The following COL19A1 variants were observed in gnomAD, a reference collection of about 807,000 sequenced individuals.
COL19A1 encodes the protein collagen alpha-1(XIX) chain.
A neutral mutation model predicts 190.2 loss-of-function variants in COL19A1; 159 were observed. That is an observed-to-expected ratio of 0.84 (90% confidence interval 0.73 to 0.95). The LOEUF is 0.95. Among genes scored for constraint, COL19A1 ranks in the 40% least tolerant of loss-of-function variants. COL19A1 has a pLI of 0.00. For synonymous variants in COL19A1, 509 were observed against 458.9 expected (o/e 1.11, Z -1.39); for missense variants, 1,418 against 1,431.9 (o/e 0.99, Z 0.16).
At chr6:69,996,464 T>G (rs1776910283) in intron 11 of COL19A1, among the ~76,000 whole-genome samples, 1 of 152,178 alleles carries the variant, frequency 6.6e-6, no homozygotes, top group Non-Finnish European at 1.5e-5. Flanking sequence ...TAAATTAGTA[T>G]CTAGTGTTAA....
At chr6:70,130,701 C>T (rs1203706301) in intron 18 of COL19A1, among the ~76,000 whole-genome samples, 1 of 152,240 alleles carries the variant, frequency 6.6e-6, no homozygotes, top group African/African-American at 2.4e-5. Flanking sequence ...TTCGAATCTG[C>T]TTCAGGGTCC....
At chr6:69,878,373 C>G (rs1383661225) in intron 1 of COL19A1, among the ~76,000 whole-genome samples, 1 of 151,926 alleles carries the variant, frequency 6.6e-6, no homozygotes, top group Non-Finnish European at 1.5e-5. Context: ...GCCACCGTGC[C>G]TGACTAATTT....
At chr6:69,971,536 G>A (rs769037122) in intron 11 of COL19A1, among the ~76,000 whole-genome samples, 8 of 152,122 alleles carry the variant, frequency 5.3e-5, no homozygotes, top group Non-Finnish European at 1.0e-4. Flanking sequence ...AAAATCCAAA[G>A]CCATCATAAG....
chr6:70,036,218 C>T (rs939634699), intron 14 of COL19A1, among the ~76,000 whole-genome samples: 1 of 152,132 alleles, frequency 6.6e-6, no homozygotes, highest in Admixed American at 6.6e-5. Flanking sequence ...AATTTTGTCT[C>T]CTAAATGTTT....
chr6:70,158,789 T>G (rs1787597485), intron 34 of COL19A1, among the ~76,000 whole-genome samples: 1 of 152,114 alleles, frequency 6.6e-6, no homozygotes, highest in East Asian at 1.9e-4. Context: ...GGTAAGAACA[T>G]AGCTCCAATG....
rs779111780 is a variant in COL19A1 at position 69,936,837 on chromosome 6, A to T, written c.800A>T (p.His267Leu). The T allele has an allele frequency of 6.2e-7, 1 of 1,613,206 alleles. No individual in the cohort carries two copies. Among genetic ancestry groups the T allele is most frequent in the Admixed American group, 1.7e-5 (1 of 59,958 alleles). The change falls in exon 8 of 51, where the codon CAT becomes CTT. Residue 267 changes from histidine to leucine, a missense_variant. By Grantham distance (99) the His-to-Leu change is moderately conservative. Coordinates refer to ENST00000620364, the MANE Select transcript of COL19A1 (RefSeq NM_001858.6). ...GNIASSWVTA[H>L]ASKMSSYLPA... Reference sequence around the variant, plus strand: ...ATTGCATCATCATGGGTAACTGCTCATGCCAGTAAAATGTCTTCATATCTG... The same window carrying T: ...ATTGCATCATCATGGGTAACTGCTCTTGCCAGTAAAATGTCTTCATATCTG...
intron 2 of COL19A1, among the ~76,000 whole-genome samples, chr6:69,885,651 GATAA>G (rs1768871870): frequency 6.6e-6 from 1 of 152,072 alleles, no homozygotes; most frequent in Admixed American, 6.5e-5. Flanking sequence ...TCACACCAGT[GATAA>G]ATATTCTTTT....
intron 15 of COL19A1, among the ~76,000 whole-genome samples, chr6:70,082,625 G>A (rs768441928): frequency 2.6e-5 from 4 of 152,092 alleles, no homozygotes; most frequent in East Asian, 1.9e-4. Context: ...TGGCCTGGCC[G>A]GTCTCGAACT....
intron 5 of COL19A1, 71 bp from the exon 6 acceptor site, chr6:69,929,354 T>A (rs1772601493): frequency 1.4e-6 from 2 of 1,469,874 alleles, no homozygotes; most frequent in Non-Finnish European, 1.8e-6. Context: ...ATCTTGAGCT[T>A]TTCTTTGTGT....
chr6:70,058,986 A>G (rs996155553), intron 14 of COL19A1, among the ~76,000 whole-genome samples: 3 of 152,094 alleles, frequency 2.0e-5, no homozygotes, highest in African/African-American at 7.2e-5. Flanking sequence ...GATGTCCCCA[A>G]CTTAAAACTT....
At chr6:70,099,066 A>T (rs1477740296) in intron 15 of COL19A1, among the ~76,000 whole-genome samples, 1 of 151,002 alleles carries the variant, frequency 6.6e-6, no homozygotes, top group African/African-American at 2.4e-5. Context: ...TAAAAAAAAA[A>T]AAAAAAAAAA....
In COL19A1 at chr6:69,907,223, G is replaced by A. The variant is rs367591275; in HGVS notation, c.266+6885G>A. Among the ~76,000 whole-genome samples, 4 of 149,978 alleles carry A rather than the reference G, an allele frequency of 2.7e-5. No individual in the cohort carries two copies. In the East Asian group the frequency reaches 5.9e-4, roughly 22 times the overall value. On this transcript the variant is annotated intron_variant, in intron 4 of 50. Transcript: ENST00000620364. ...CGGCTCACTGCAACCTCCACCTCCC[G>A]GTTTCAAACGATTCTCCTGCCTCAG...
In COL19A1 at chr6:70,043,588, G is replaced by A. The variant is rs181031497; in HGVS notation, c.1170+7649G>A. Among the ~76,000 whole-genome samples, 108 of 152,318 alleles carry A rather than the reference G, an allele frequency of 7.1e-4. No individual in the cohort carries two copies. The South Asian group carries it at 9.3e-3, about 13-fold the overall frequency. ...ATATTGTGTTAGCAGGCATGAAAAC[G>A]ACATTCGTCTCCTTGTACATCACCA... On this transcript the variant is annotated intron_variant, in intron 14 of 50. Transcript: ENST00000620364.
chr6:70,069,243 G>C (rs1475392551), intron 15 of COL19A1, among the ~76,000 whole-genome samples: 1 of 152,048 alleles, frequency 6.6e-6, no homozygotes, highest in Non-Finnish European at 1.5e-5. Context: ...TAGATGATGT[G>C]CCTAAACTTG....
At chr6:70,035,367 A>G (rs568841926) in intron 13 of COL19A1, among the ~76,000 whole-genome samples, 11 of 152,356 alleles carry the variant, frequency 7.2e-5, no homozygotes, top group African/African-American at 2.6e-4. Flanking sequence ...CAGCAAAGCA[A>G]TTTTAGCGTT....
chr6:70,113,345 T>C (rs1784385548), intron 16 of COL19A1, among the ~76,000 whole-genome samples: 1 of 152,216 alleles, frequency 6.6e-6, no homozygotes, highest in Non-Finnish European at 1.5e-5. Context: ...CCTGCAATGC[T>C]AATACACAAT....
intron 17 of COL19A1, among the ~76,000 whole-genome samples, chr6:70,123,106 T>C (rs185945501): frequency 8.6e-4 from 130 of 152,004 alleles, no homozygotes; most frequent in African/African-American, 3.0e-3. Context: ...CAAACAAATT[T>C]ATAAGAAAAA....
chr6:69,870,412 C>T (rs1175179147), intron 1 of COL19A1, among the ~76,000 whole-genome samples: 1 of 152,206 alleles, frequency 6.6e-6, no homozygotes, highest in East Asian at 1.9e-4. Flanking sequence ...TGGTATGATT[C>T]TCACAGACTT....
At chr6:69,984,876 CA>C (rs1451022760) in intron 11 of COL19A1, among the ~76,000 whole-genome samples, 79 of 152,068 alleles carry the variant, frequency 5.2e-4, no homozygotes, top group African/African-American at 1.9e-3. Context: ...TGAGATTAGC[CA>C]GCCTAAAACC....
Sources: allele counts gnomAD v4.1 joint callset (sites outside exome capture counted in the v4.1 genomes callset), GRCh38; gene constraint gnomAD v4.1.1; transcripts MANE v1.5; gene names NCBI Gene and HGNC (gene_info 2026-07-23, HGNC 2026-07-21).